The following CATSPERT variants were observed in gnomAD, a reference collection of about 807,000 sequenced individuals.
The protein encoded by CATSPERT is cation channel sperm-associated targeting subunit tau.
chr2:201,534,223 G>C, the CATSPERT span: 2 of 192,026 alleles, frequency 1.0e-5, no homozygotes, highest in Non-Finnish European at 1.9e-5. Flanking sequence ...GATCATGAGT[G>C]TTCCAGCCTA....
the CATSPERT span, among the ~76,000 whole-genome samples, chr2:201,541,404 T>A: frequency 6.6e-6 from 1 of 151,704 alleles, no homozygotes; most frequent in East Asian, 1.9e-4. Context: ...TGTTGTCTTA[T>A]TTTTAAAAAT....
the CATSPERT span, among the ~76,000 whole-genome samples, chr2:201,489,960 G>A: frequency 3.3e-5 from 5 of 151,590 alleles, no homozygotes; most frequent in African/African-American, 1.2e-4. Flanking sequence ...GGGTTCAAGC[G>A]ATTCTCGTGC....
the CATSPERT span, among the ~76,000 whole-genome samples, chr2:201,560,947 T>C: frequency 6.6e-6 from 1 of 152,008 alleles, no homozygotes; most frequent in Non-Finnish European, 1.5e-5. Context: ...CACGCCTGGC[T>C]AATTTTTGAA....
the CATSPERT span, among the ~76,000 whole-genome samples, chr2:201,541,531 T>TTATA: frequency 8.8e-3 from 811 of 92,456 alleles, 1 homozygote; most frequent in African/African-American, 0.011. Flanking sequence ...TCAGATGATT[T>TTATA]TATATATATA....
At chr2:201,577,778 G>A in the CATSPERT span, among the ~76,000 whole-genome samples, 1 of 152,318 alleles carries the variant, frequency 6.6e-6, no homozygotes, top group East Asian at 1.9e-4. Flanking sequence ...AGTTAGACTG[G>A]AGGAGCAGGT....
the CATSPERT span, chr2:201,493,730 C>T: frequency 6.5e-7 from 1 of 1,537,286 alleles, no homozygotes; most frequent in Non-Finnish European, 8.7e-7. Flanking sequence ...AATATTGGTG[C>T]AGTGAATATT....
chr2:201,588,790 G>A, the CATSPERT span, among the ~76,000 whole-genome samples: 1 of 151,926 alleles, frequency 6.6e-6, no homozygotes, highest in Non-Finnish European at 1.5e-5. Context: ...GAAATAAAAG[G>A]TATCCCAATA....
the CATSPERT span, chr2:201,571,838 G>A: frequency 2.0e-6 from 2 of 987,652 alleles, no homozygotes; most frequent in Admixed American, 4.2e-5. Flanking sequence ...CCATGTCCTG[G>A]GGACTTCTTA....
the CATSPERT span, among the ~76,000 whole-genome samples, chr2:201,568,980 A>G: frequency 0.98 from 149,036 of 152,256 alleles, 72,999 homozygotes; most frequent in Non-Finnish European, 1. Flanking sequence ...AGCTCCATAA[A>G]TCCTTACTCA....
the CATSPERT span, among the ~76,000 whole-genome samples, chr2:201,543,281 A>T: frequency 6.6e-6 from 1 of 152,110 alleles, no homozygotes; most frequent in African/African-American, 2.4e-5. Context: ...TGAAATCAGA[A>T]CGTGTGATAC....
the CATSPERT span, among the ~76,000 whole-genome samples, chr2:201,539,666 G>A: frequency 2.0e-5 from 3 of 151,440 alleles, no homozygotes; most frequent in Non-Finnish European, 4.4e-5. Flanking sequence ...TGTTGTGTGT[G>A]TTGTAACTAT....
At chr2:201,599,445 A>G in the CATSPERT span, among the ~76,000 whole-genome samples, 1 of 152,152 alleles carries the variant, frequency 6.6e-6, no homozygotes, top group South Asian at 2.1e-4. Context: ...GACAGTTTTC[A>G]TACTTCTCGC....
At chr2:201,494,813 C>G in the CATSPERT span, 9 of 1,428,106 alleles carry the variant, frequency 6.3e-6, no homozygotes, top group Non-Finnish European at 7.3e-6. Context: ...TTGAATTTAT[C>G]ATATATTTTC....
chr2:201,511,864 A>ACCC, the CATSPERT span: 2 of 149,076 alleles, frequency 1.3e-5, no homozygotes, highest in Non-Finnish European at 3.0e-5. Context: ...AAAAAAAAAA[A>ACCC]AAAAAAAAAC....
At chr2:201,549,015 A>T in the CATSPERT span, among the ~76,000 whole-genome samples, 1 of 151,748 alleles carries the variant, frequency 6.6e-6, no homozygotes, top group African/African-American at 2.4e-5. Flanking sequence ...ACACACACAC[A>T]CCCCCCAGCC....
the CATSPERT span, among the ~76,000 whole-genome samples, chr2:201,605,480 C>G: frequency 6.6e-6 from 1 of 152,168 alleles, no homozygotes; most frequent in East Asian, 1.9e-4. Context: ...ACCAGAAAAA[C>G]CGAAGAGAAC....
At chr2:201,526,180 G>A in the CATSPERT span, among the ~76,000 whole-genome samples, 1 of 152,004 alleles carries the variant, frequency 6.6e-6, no homozygotes, top group African/African-American at 2.4e-5. Flanking sequence ...ACAATTTCAG[G>A]TCAATATCCC....
the CATSPERT span, among the ~76,000 whole-genome samples, chr2:201,593,071 G>A: frequency 6.6e-6 from 1 of 151,972 alleles, no homozygotes; most frequent in South Asian, 2.1e-4. Context: ...TAATTGTGAT[G>A]TTAGGGTGTC....
the CATSPERT span, chr2:201,487,617 A>T: frequency 6.2e-7 from 1 of 1,610,142 alleles, no homozygotes; most frequent in African/African-American, 1.3e-5. Context: ...ATTTTTCAAT[A>T]TCCTCTTTTA....
Sources: gnomAD v4.1 joint callset for allele counts (sites outside exome capture counted in the v4.1 genomes callset) on GRCh38, gnomAD v4.1.1 for gene constraint, MANE v1.5 for transcripts, NCBI Gene and HGNC (gene_info 2026-07-23, HGNC 2026-07-21) for gene names.